Variants in MCM9 observed in about 807,000 individuals in gnomAD.
The protein encoded by MCM9 is DNA helicase MCM9.
A neutral mutation model predicts 72.8 loss-of-function variants in MCM9; 55 were observed. The ratio of observed to expected loss-of-function variants is 0.76; its 90% CI spans 0.61 to 0.95. The LOEUF (loss-of-function observed/expected upper bound fraction) is 0.95. MCM9 is among the 40% of genes least tolerant of loss of function. The probability of loss-of-function intolerance (pLI) is 0.00; values close to 1 mark genes in which losing one functional copy is unlikely to be tolerated. For synonymous variants in MCM9, 480 were observed against 503.4 expected (o/e 0.95, Z 0.62); for missense variants, 1,279 against 1,377.0 (o/e 0.93, Z 1.13).
rs536069367 is a variant in MCM9, at chr6:118,818,400, G to A, written c.1962-2106C>T. Among the ~76,000 whole-genome samples the A allele has an allele frequency of 3.9e-5, 6 of 152,240 alleles. No individual in the cohort carries two copies. In the South Asian group the frequency reaches 1.0e-3, roughly 26 times the overall value. On this transcript the variant is annotated intron_variant, in intron 13 of 13. Transcript: ENST00000619706. ...TTAAATAGGGAATCCTTTCCCCCTTGCTTATTTTTGTGAGGTCTGTGGAAG... is the reference window on the plus strand; with the variant it reads ...TTAAATAGGGAATCCTTTCCCCCTTACTTATTTTTGTGAGGTCTGTGGAAG...
intron 8 of MCM9, among the ~76,000 whole-genome samples, chr6:118,909,388 T>C (rs1044824608): frequency 4.7e-4 from 72 of 152,350 alleles, no homozygotes; most frequent in Admixed American, 8.5e-4. Context: ...ACCATTACCT[T>C]TTGTTATCTT....
chr6:118,818,949 G>C (rs1447516620), intron 13 of MCM9, among the ~76,000 whole-genome samples: 1 of 152,186 alleles, frequency 6.6e-6, no homozygotes, highest in Non-Finnish European at 1.5e-5. Flanking sequence ...AGAAATGCTT[G>C]TGATTGGTGC....
chr6:118,816,978 C>A (rs890405240), intron 13 of MCM9, among the ~76,000 whole-genome samples: 1 of 152,176 alleles, frequency 6.6e-6, no homozygotes, highest in Non-Finnish European at 1.5e-5. Flanking sequence ...TGGGCAGCTA[C>A]TCTTTTATCA....
chr6:118,905,494 A>G (rs1419237414), intron 8 of MCM9, among the ~76,000 whole-genome samples: 1 of 152,224 alleles, frequency 6.6e-6, no homozygotes, highest in Non-Finnish European at 1.5e-5. Context: ...AGCTTATTAT[A>G]AGTCAGTCAG....
chr6:118,857,253 T>A (rs1776618789), intron 8 of MCM9, among the ~76,000 whole-genome samples: 1 of 152,192 alleles, frequency 6.6e-6, no homozygotes, highest in African/African-American at 2.4e-5. Context: ...TACATTCCAA[T>A]GATGAAAATG....
At chr6:118,826,736 A>T in intron 12 of MCM9, 46 bp downstream of exon 12, 1 of 1,404,716 alleles carries the variant, frequency 7.1e-7, no homozygotes, top group Non-Finnish European at 9.7e-7. Flanking sequence ...TAAAAAAAAG[A>T]AAGTTTGTAA....
intron 9 of MCM9, among the ~76,000 whole-genome samples, chr6:118,845,524 A>C (rs933661504): frequency 1.3e-5 from 2 of 151,806 alleles, no homozygotes; most frequent in Non-Finnish European, 2.9e-5. Flanking sequence ...CTTTTAAAAA[A>C]ATTTTTTTGT....
chr6:118,894,243 T>C (rs1779180708), intron 8 of MCM9: 2 of 1,444,552 alleles, frequency 1.4e-6, no homozygotes, highest in Admixed American at 2.7e-5. Flanking sequence ...TGCAAAACAC[T>C]GTGGAGTGCT....
chr6:118,867,430 T>C, intron 8 of MCM9, among the ~76,000 whole-genome samples: 1 of 152,220 alleles, frequency 6.6e-6, no homozygotes, highest in Non-Finnish European at 1.5e-5. Flanking sequence ...ACAGTAATGT[T>C]CTAAGCCCTT....
chr6:118,922,154 G>T, intron 4 of MCM9, 68 bp from the exon 5 acceptor site: 1 of 1,173,512 alleles, frequency 8.5e-7, no homozygotes, highest in Non-Finnish European at 1.2e-6. Context: ...AAGTCTAGCA[G>T]TACTTGAAAT....
chr6:118,829,282 G>A (rs1387653883), intron 9 of MCM9, 32 bp from the exon 10 acceptor site: 3 of 1,516,024 alleles, frequency 2.0e-6, no homozygotes, highest in African/African-American at 2.8e-5. Context: ...TTCACTGATT[G>A]TGAGGTTCAG....
chr6:118,877,252 C>CAA (rs1277132464), intron 8 of MCM9, among the ~76,000 whole-genome samples: 1 of 152,144 alleles, frequency 6.6e-6, no homozygotes, highest in Non-Finnish European at 1.5e-5. Context: ...GCACATGGAA[C>CAA]AGAAAAAACC....
At chr6:118,893,936 C>CGCCTCCCCGCCGCAGCCAA in intron 8 of MCM9, 1 of 863,252 alleles carries the variant, frequency 1.2e-6, no homozygotes, top group Non-Finnish European at 1.4e-6. Flanking sequence ...GCCGCAGCCA[C>CGCCTCCCCGCCGCAGCCAA]GCCTCCCCGC....
chr6:118,916,599 C>G (rs1780984653), intron 6 of MCM9, among the ~76,000 whole-genome samples: 1 of 151,708 alleles, frequency 6.6e-6, no homozygotes, highest in Non-Finnish European at 1.5e-5. Context: ...GCTGGGACTA[C>G]AGGTGCACGC....
At chr6:118,840,479 T>C (rs1052908275) in intron 9 of MCM9, among the ~76,000 whole-genome samples, 5 of 152,186 alleles carry the variant, frequency 3.3e-5, no homozygotes, top group Non-Finnish European at 7.3e-5. Context: ...CGGCAAAACC[T>C]ATCCCAACAA....
chr6:118,889,035 T>C (rs1778784162), intron 8 of MCM9, among the ~76,000 whole-genome samples: 1 of 152,150 alleles, frequency 6.6e-6, no homozygotes, highest in Admixed American at 6.5e-5. Context: ...TTCTAAAAAC[T>C]ATTGACTCAG....
rs1334725262 is a variant in MCM9, at chr6:118,899,264, G to A, written c.1150+12386C>T. 2.6e-5 allele frequency among the ~76,000 whole-genome samples: 4 copies of A among 152,116 alleles called. No homozygotes were observed. In the South Asian group the frequency reaches 6.2e-4, roughly 24 times the overall value. On this transcript the variant is annotated intron_variant, in intron 8 of 13. Coordinates refer to ENST00000619706, the MANE Select transcript of MCM9 (RefSeq NM_017696.3). ...GTTACTGCTCTGCTCAAAACCCTTC[G>A]ATGGCTTCCCATGCCACGCAGTGTG...
At chr6:118,885,586 C>T (rs1039704411) in intron 8 of MCM9, among the ~76,000 whole-genome samples, 18 of 152,146 alleles carry the variant, frequency 1.2e-4, no homozygotes, top group African/African-American at 3.6e-4. Context: ...TGACAAATCC[C>T]TAGAATGATA....
chr6:118,906,680 A>G (rs1780199185), intron 8 of MCM9, among the ~76,000 whole-genome samples: 2 of 152,216 alleles, frequency 1.3e-5, no homozygotes, highest in Non-Finnish European at 2.9e-5. Context: ...TCTGAGTGAG[A>G]AGCTGAAATC....
Sources: allele counts gnomAD v4.1 joint callset (sites outside exome capture counted in the v4.1 genomes callset), GRCh38; gene constraint gnomAD v4.1.1; transcripts MANE v1.5; gene names NCBI Gene and HGNC (gene_info 2026-07-23, HGNC 2026-07-21).